Variants in STX8 observed in about 807,000 individuals in gnomAD.
STX8 encodes syntaxin-8.
A neutral mutation model predicts 37.5 loss-of-function variants in STX8; 23 were observed. The ratio of observed to expected loss-of-function variants is 0.61; its 90% confidence interval spans 0.44 to 0.87. The LOEUF is 0.87. Ranked by LOEUF, STX8 falls within the 40% of genes least tolerant of loss-of-function variation. The pLI is 0.00. For missense variants in STX8, 313 were observed against 284.7 expected (o/e 1.10, Z -0.71); for synonymous variants, 115 against 99.1 (o/e 1.16, Z -0.95).
At chr17:9,575,605 G>A (rs1268714808) in intron 1 of STX8, among the ~76,000 whole-genome samples, 187 bp downstream of exon 1, 3 of 152,060 alleles carry the variant, frequency 2.0e-5, no homozygotes, top group Admixed American at 6.5e-5. Flanking sequence ...TCTCCTTCCC[G>A]GGCCACCCTT....
chr17:9,543,415 T>A (rs1689677737), intron 4 of STX8, among the ~76,000 whole-genome samples: 2 of 151,940 alleles, frequency 1.3e-5, no homozygotes, highest in South Asian at 4.2e-4. Flanking sequence ...TGCCTCAGCC[T>A]CCTGAGTAGC....
chr17:9,501,552 A>G lies in STX8; in HGVS notation c.448+3486T>C, dbSNP rs559648018. Among the ~76,000 whole-genome samples, 3 of 152,118 alleles carry G rather than the reference A, an allele frequency of 2.0e-5. No homozygotes were observed. In the East Asian group the frequency reaches 5.8e-4, roughly 29 times the overall value. On this transcript the variant is annotated intron_variant, in intron 5 of 7. Transcript: ENST00000306357. ...CTAAAAATACAAAAATTAGCTGGGC[A>G]TGGTGGTACATGCCTGTAATCCCAG...
intron 6 of STX8, among the ~76,000 whole-genome samples, chr17:9,440,846 T>C (rs1486135274): frequency 1.3e-5 from 2 of 152,108 alleles, no homozygotes; most frequent in African/African-American, 4.8e-5. Flanking sequence ...TAAACCACAG[T>C]TACTGTCATT....
At chr17:9,251,338 C>T (rs7219119) in intron 7 of STX8, among the ~76,000 whole-genome samples, 36,560 of 152,154 alleles carry the variant, frequency 0.24, 4,472 homozygotes, top group Middle Eastern at 0.27. Context: ...GTGGGCCCCA[C>T]AGAATGCAGC....
In STX8 at chr17:9,316,981, A is replaced by G. The variant is rs140922994; in HGVS notation, c.643+61571T>C. On this transcript the variant is annotated intron_variant, in intron 7 of 7. Coordinates refer to ENST00000306357, the MANE Select transcript of STX8 (RefSeq NM_004853.3). Reference sequence around the variant, plus strand: ...AAGCATTGCGGGTGAGGAGAGTGGAATAGGAAAAGACAGTCGGTTCTTTTT... The same window carrying G: ...AAGCATTGCGGGTGAGGAGAGTGGAGTAGGAAAAGACAGTCGGTTCTTTTT... 4.3e-3 allele frequency among the ~76,000 whole-genome samples: 651 copies of G among 152,354 alleles called. 8 individuals are homozygous for G. The highest frequency in any genetic ancestry group is 0.015 in the African/African-American group (609 of 41,590).
At chr17:9,345,426 A>G (rs1910498199) in intron 7 of STX8, among the ~76,000 whole-genome samples, 2 of 152,190 alleles carry the variant, frequency 1.3e-5, no homozygotes, top group African/African-American at 2.4e-5. Context: ...CTGGGATTAC[A>G]GGTGTGAGCC....
chr17:9,316,586 G>C (rs1485645721), intron 7 of STX8, among the ~76,000 whole-genome samples: 5 of 152,184 alleles, frequency 3.3e-5, no homozygotes, highest in Non-Finnish European at 7.4e-5. Context: ...AGAGTGCATG[G>C]AAGCTCTGTG....
rs558924302 is a variant in STX8 at position 9,458,535 on chromosome 17, T to A, written c.541+33294A>T. ...TTCAAAAACACATCAAATAAGTTTT[T>A]AAAATAATTCAAAAGTAATCATGAC... On this transcript the variant is annotated intron_variant, in intron 6 of 7. Transcript: ENST00000306357. 1.2e-3 allele frequency among the ~76,000 whole-genome samples: 179 copies of A among 152,352 alleles called. 1 individual carries two copies. The highest frequency in any genetic ancestry group is 4.1e-3 in the African/African-American group (171 of 41,588).
At chr17:9,257,335 C>A (rs1906836886) in intron 7 of STX8, among the ~76,000 whole-genome samples, 2 of 152,192 alleles carry the variant, frequency 1.3e-5, no homozygotes, top group Admixed American at 6.5e-5. Flanking sequence ...GACTCGTCAT[C>A]TGGAGTCATG....
intron 7 of STX8, among the ~76,000 whole-genome samples, chr17:9,371,435 T>G (rs547144921): frequency 6.6e-6 from 1 of 152,312 alleles, no homozygotes; most frequent in East Asian, 1.9e-4. Flanking sequence ...AGTTTGATTA[T>G]GCATTTGTAT....
At chr17:9,422,564 C>G (rs1049127877) in intron 6 of STX8, among the ~76,000 whole-genome samples, 5 of 152,204 alleles carry the variant, frequency 3.3e-5, no homozygotes, top group Non-Finnish European at 7.3e-5. Flanking sequence ...CCTTTTGTGT[C>G]CGGCTTCTTT....
At chr17:9,337,785 A>G (rs754896577) in intron 7 of STX8, among the ~76,000 whole-genome samples, 3 of 152,192 alleles carry the variant, frequency 2.0e-5, no homozygotes, top group Non-Finnish European at 4.4e-5. Flanking sequence ...GGGATAGAAA[A>G]GAGGGCAGGT....
rs73259842 is a variant in STX8 at position 9,406,826 on chromosome 17, T to C, written c.542-28173A>G. ...CAATATGTTTATTGAAAAAGATCCATGTATAAGTGGAGCTGCATAGCTCCC... is the reference window on the plus strand; with the variant it reads ...CAATATGTTTATTGAAAAAGATCCACGTATAAGTGGAGCTGCATAGCTCCC... On this transcript the variant is annotated intron_variant, in intron 6 of 7. Transcript: ENST00000306357. Among the ~76,000 whole-genome samples the C allele has an allele frequency of 7.7e-3, 1,177 of 152,250 alleles. 15 individuals are homozygous for C. The highest frequency in any genetic ancestry group is 0.027 in the African/African-American group (1,128 of 41,544).
intron 6 of STX8, among the ~76,000 whole-genome samples, chr17:9,435,284 A>G (rs1904391011): frequency 6.6e-6 from 1 of 152,218 alleles, no homozygotes; most frequent in Non-Finnish European, 1.5e-5. Flanking sequence ...CTAGGAATGT[A>G]GAAAAGTACA....
At chr17:9,529,462 T>C (rs1416629652) in intron 4 of STX8, among the ~76,000 whole-genome samples, 3 of 152,160 alleles carry the variant, frequency 2.0e-5, no homozygotes, top group Non-Finnish European at 4.4e-5. Flanking sequence ...AAATCCCCAG[T>C]GTACAGCTCA....
chr17:9,472,835 A>C (rs1486627931), intron 6 of STX8, among the ~76,000 whole-genome samples: 1 of 152,100 alleles, frequency 6.6e-6, no homozygotes, highest in Non-Finnish European at 1.5e-5. Context: ...GAAAACCCTC[A>C]TCCCTTTCTA....
chr17:9,559,454 T>C (rs1220300177), intron 2 of STX8, among the ~76,000 whole-genome samples: 1 of 151,848 alleles, frequency 6.6e-6, no homozygotes, highest in Non-Finnish European at 1.5e-5. Flanking sequence ...ATAAAGCTCA[T>C]GGTGTTAATA....
intron 6 of STX8, among the ~76,000 whole-genome samples, chr17:9,405,804 CCTA>C: frequency 6.6e-6 from 1 of 152,174 alleles, no homozygotes; most frequent in East Asian, 1.9e-4. Flanking sequence ...AGTTGCTTCA[CCTA>C]CTATCTTGAC....
chr17:9,556,764 T>TATATATATATATATATATACATAC (rs1906984263), intron 3 of STX8: 1 of 11,084 alleles, frequency 9.0e-5, no homozygotes, highest in Non-Finnish European at 1.8e-4. Flanking sequence ...TATATATATA[T>TATATATATATATATATATACATAC]ATATATATAT....
Sources: gnomAD v4.1 joint callset for allele counts (sites outside exome capture counted in the v4.1 genomes callset) on GRCh38, gnomAD v4.1.1 for gene constraint, MANE v1.5 for transcripts, NCBI Gene and HGNC (gene_info 2026-07-23, HGNC 2026-07-21) for gene names.